The following GRIN2A variants were observed in gnomAD, a reference collection of about 807,000 sequenced individuals.
GRIN2A encodes the protein glutamate receptor ionotropic, NMDA 2A.
A neutral mutation model predicts 113.4 loss-of-function variants in GRIN2A; 22 were observed. The ratio of observed to expected loss-of-function variants is 0.19; its 90% CI spans 0.14 to 0.28. The LOEUF (loss-of-function observed/expected upper bound fraction) is 0.28, where lower values mean the gene tolerates loss of function less well. Among genes scored for constraint, GRIN2A ranks in the 10% least tolerant of loss-of-function variants. The pLI is 1.00. For missense variants in GRIN2A, 1,502 were observed against 1,887.0 expected (o/e 0.80, Z 3.78); for synonymous variants, 827 against 738.4 (o/e 1.12, Z -1.94).
intron 2 of GRIN2A, among the ~76,000 whole-genome samples, chr16:10,141,370 C>T (rs1317514694): frequency 6.6e-6 from 1 of 152,108 alleles, no homozygotes; most frequent in Non-Finnish European, 1.5e-5. Context: ...TGCCTGTAGT[C>T]CCAGCTACTC....
chr16:9,898,176 G>C (rs1457132560), intron 3 of GRIN2A, among the ~76,000 whole-genome samples: 1 of 150,686 alleles, frequency 6.6e-6, no homozygotes. Context: ...ACAGTGCCTG[G>C]TATACAGCTA....
intron 4 of GRIN2A, 83 bp downstream of exon 4, chr16:9,890,903 G>A (rs760424348): frequency 1.1e-4 from 95 of 864,182 alleles, no homozygotes; most frequent in African/African-American, 1.8e-4. Flanking sequence ...CAGGAAATGC[G>A]TGGGAGAAAG....
chr16:9,769,111 C>T (rs1901100872), intron 11 of GRIN2A, 22 bp from the exon 12 acceptor site: 1 of 1,581,282 alleles, frequency 6.3e-7, no homozygotes. Context: ...ACAACATTCA[C>T]AGGCAGTGAG....
At chr16:9,769,464 T>A (rs1460523986) in intron 11 of GRIN2A, among the ~76,000 whole-genome samples, 14 of 146,492 alleles carry the variant, frequency 9.6e-5, no homozygotes, top group Non-Finnish European at 2.0e-4. Context: ...TTTTTTTTTT[T>A]TTTTTTTGGT....
At chr16:9,832,952 C>T (rs191372944) in intron 8 of GRIN2A, among the ~76,000 whole-genome samples, 276 of 152,292 alleles carry the variant, frequency 1.8e-3, no homozygotes, top group African/African-American at 5.3e-3. Context: ...TTGAGTATTT[C>T]CAATATTAAA....
intron 11 of GRIN2A, among the ~76,000 whole-genome samples, chr16:9,790,293 A>G (rs1397881903): frequency 6.6e-6 from 1 of 152,200 alleles, no homozygotes; most frequent in Non-Finnish European, 1.5e-5. Flanking sequence ...TTTGTTTTTA[A>G]TATATAATTT....
At chr16:9,810,216 G>C (rs1366047147) in intron 10 of GRIN2A, among the ~76,000 whole-genome samples, 1 of 152,126 alleles carries the variant, frequency 6.6e-6, no homozygotes, top group African/African-American at 2.4e-5. Flanking sequence ...GCATACCTGT[G>C]TGCTGTGCAT....
intron 11 of GRIN2A, among the ~76,000 whole-genome samples, chr16:9,796,680 C>CCCCAGGT (rs1170253580): frequency 6.6e-6 from 1 of 152,220 alleles, no homozygotes; most frequent in Non-Finnish European, 1.5e-5. Flanking sequence ...GCTACCTTTT[C>CCCCAGGT]AGCCCGAGAC....
In GRIN2A at chr16:9,753,607, GAC is replaced by G; in HGVS notation, c.*9540_*9541del. On this transcript the variant is annotated 3_prime_UTR_variant, in exon 13 of 13. Transcript: ENST00000330684. ...AAAATTAAAAGACATACTACAAGAA[GAC>G]AACCATAGTATATACTTCCTCTATC... 1 of 196,006 alleles carries G rather than the reference GAC, an allele frequency of 5.1e-6. No homozygotes were observed. Among genetic ancestry groups the G allele is most frequent in the Non-Finnish European group, 1.1e-5 (1 of 94,306 alleles). The allele number at this position is 196,006 out of a possible 1,614,324, so 12.1% of individuals were successfully genotyped here. A position where few individuals can be genotyped will look rare whatever the true frequency, so the allele number is the denominator to read the frequency against.
intron 2 of GRIN2A, among the ~76,000 whole-genome samples, chr16:10,090,695 T>C (rs2048169231): frequency 6.6e-6 from 1 of 152,014 alleles, no homozygotes; most frequent in Non-Finnish European, 1.5e-5. Context: ...GGCAAATTCA[T>C]CTCCATTAAA....
chr16:10,091,401 C>T (rs1038222406), intron 2 of GRIN2A, among the ~76,000 whole-genome samples: 1 of 151,874 alleles, frequency 6.6e-6, no homozygotes, highest in Non-Finnish European at 1.5e-5. Flanking sequence ...AGTTTGAGAT[C>T]AACCTGGGCA....
intron 2 of GRIN2A, among the ~76,000 whole-genome samples, chr16:10,127,801 T>C (rs2048974580): frequency 6.6e-6 from 1 of 152,152 alleles, no homozygotes; most frequent in Admixed American, 6.5e-5. Flanking sequence ...GTTGAGCTCT[T>C]CCATAGTAAA....
At chr16:9,784,783 T>C (rs191745274) in intron 11 of GRIN2A, among the ~76,000 whole-genome samples, 30 of 152,230 alleles carry the variant, frequency 2.0e-4, no homozygotes, top group Non-Finnish European at 8.8e-5. Context: ...GGGTGAAGCA[T>C]ATGAACAGAC....
In GRIN2A at chr16:10,112,484, G is replaced by A. The variant is rs573365058; in HGVS notation, c.414+67514C>T. On this transcript the variant is annotated intron_variant, in intron 2 of 12. Coordinates refer to ENST00000330684, the MANE Select transcript of GRIN2A (RefSeq NM_001134407.3). ...TCATAGCCGATGTGGCATCCAGACC[G>A]TGGGGCACGTGGTCAAGGCCCTGGC... The A allele has an allele frequency of 7.6e-5, 67 of 876,032 alleles. 1 individual carries two copies. The East Asian group carries it at 1.2e-3, about 16-fold the overall frequency. 54.3% of individuals were successfully genotyped at this position (876,032 alleles called of 1,614,324 possible). A position where few individuals can be genotyped will look rare whatever the true frequency, so the allele number is the denominator to read the frequency against.
intron 2 of GRIN2A, among the ~76,000 whole-genome samples, chr16:10,091,277 G>C (rs1447702742): frequency 6.6e-6 from 1 of 152,092 alleles, no homozygotes; most frequent in African/African-American, 2.4e-5. Flanking sequence ...TAACAGACAA[G>C]AAGTAGAAAT....
rs138675643 is a variant in GRIN2A, at chr16:9,796,254, CATCA to C, written c.2356+2019_2356+2022del. Among the ~76,000 whole-genome samples, 1,217 of 152,320 alleles carry C rather than the reference CATCA, an allele frequency of 8.0e-3. 21 individuals are homozygous for C. Among genetic ancestry groups the C allele is most frequent in the African/African-American group, 0.028 (1,145 of 41,562 alleles). ...TCCAGCCAAATGAAATACATCTTAA[CATCA>C]ATCAATCATTCATCCATACATGTAT... On this transcript the variant is annotated intron_variant, in intron 11 of 12. Transcript: ENST00000330684.
intron 2 of GRIN2A, among the ~76,000 whole-genome samples, chr16:9,990,559 GCGCGCACACA>G (rs1157699573): frequency 3.8e-4 from 36 of 94,634 alleles, no homozygotes; most frequent in Non-Finnish European, 6.1e-4. Flanking sequence ...GCGCGCGCGC[GCGCGCACACA>G]CACACACACA....
chr16:10,100,202 G>T (rs2048366356), intron 2 of GRIN2A, among the ~76,000 whole-genome samples: 1 of 152,162 alleles, frequency 6.6e-6, no homozygotes, highest in Non-Finnish European at 1.5e-5. Context: ...AGGCCACAGA[G>T]ACAAATTTTA....
intron 2 of GRIN2A, among the ~76,000 whole-genome samples, chr16:10,070,239 A>C (rs1204526055): frequency 6.6e-6 from 1 of 151,986 alleles, no homozygotes; most frequent in Non-Finnish European, 1.5e-5. Flanking sequence ...ACCACCTCGA[A>C]GCACCTCCAT....
Sources: gnomAD v4.1 joint callset for allele counts (sites outside exome capture counted in the v4.1 genomes callset) on GRCh38, gnomAD v4.1.1 for gene constraint, MANE v1.5 for transcripts, NCBI Gene and HGNC (gene_info 2026-07-23, HGNC 2026-07-21) for gene names.